The following DRICH1 variants were observed in gnomAD, a reference collection of about 807,000 sequenced individuals.
DRICH1 encodes the protein aspartate-rich protein 1.
In DRICH1, 38 loss-of-function variants were observed where a neutral mutation model predicts 39.5. That is an observed-to-expected ratio of 0.96 (90% CI 0.74 to 1.26). The LOEUF is 1.26. DRICH1 is among the 50% of genes most tolerant of loss of function. The pLI, the probability that DRICH1 is intolerant of heterozygous loss-of-function variation, is 0.00. For synonymous variants in DRICH1, 84 were observed against 99.5 expected (o/e 0.84, Z 0.93); for missense variants, 279 against 270.4 (o/e 1.03, Z -0.22).
intron 5 of DRICH1, 53 bp downstream of exon 5, chr22:23,620,527 TAAGGTTCCTATATA>T: frequency 6.6e-7 from 1 of 1,523,678 alleles, no homozygotes; most frequent in Non-Finnish European, 9.1e-7. Flanking sequence ...GAACCCAGAT[TAAGGTTCCTATATA>T]TTAAAGCCAG....
the DRICH1 span, among the ~76,000 whole-genome samples, chr22:23,600,544 G>A: frequency 6.6e-6 from 1 of 152,188 alleles, no homozygotes; most frequent in African/African-American, 2.4e-5. Context: ...CACAGGGCCT[G>A]GGCACCTCGG....
intron 8 of DRICH1, among the ~76,000 whole-genome samples, chr22:23,616,504 A>G (rs549706037): frequency 1.1e-4 from 16 of 152,206 alleles, no homozygotes; most frequent in South Asian, 4.2e-4. Flanking sequence ...GAAATGCTGT[A>G]TTATTAGACC....
chr22:23,586,958 G>C, the DRICH1 span, among the ~76,000 whole-genome samples: 1 of 152,106 alleles, frequency 6.6e-6, no homozygotes, highest in Admixed American at 6.6e-5. Context: ...CCTTTGAGTA[G>C]GAATTTCACG....
the DRICH1 span, chr22:23,583,448 C>T: frequency 6.6e-6 from 1 of 152,224 alleles, no homozygotes; most frequent in Non-Finnish European, 1.5e-5. Context: ...CACACATCCC[C>T]TTGGCATCTG....
chr22:23,603,071 T>C, the DRICH1 span, among the ~76,000 whole-genome samples: 2 of 149,502 alleles, frequency 1.3e-5, no homozygotes, highest in South Asian at 2.2e-4. Flanking sequence ...AGTGGCACAA[T>C]GTTGGCTCAC....
chr22:23,626,921 G>A (rs1328380513), intron 1 of DRICH1, among the ~76,000 whole-genome samples: 2 of 152,076 alleles, frequency 1.3e-5, no homozygotes, highest in Non-Finnish European at 2.9e-5. Context: ...TGATGTGCAC[G>A]CTTTGAGTTA....
intron 7 of DRICH1, 139 bp from the exon 8 acceptor site, chr22:23,617,013 T>C: frequency 1.0e-6 from 1 of 962,788 alleles, no homozygotes; most frequent in Non-Finnish European, 1.6e-6. Flanking sequence ...CCAAACATTC[T>C]AGCATAGAGG....
chr22:23,614,275 G>T (rs1927220960), intron 8 of DRICH1, 61 bp from the exon 9 acceptor site: 1 of 1,197,812 alleles, frequency 8.3e-7, no homozygotes. Flanking sequence ...GTCACTCGGG[G>T]AGCTTTGCTG....
At chr22:23,598,791 GCTCCATACAGGCGCC>G in the DRICH1 span, among the ~76,000 whole-genome samples, 811 of 151,256 alleles carry the variant, frequency 5.4e-3, no homozygotes, top group African/African-American at 0.019. Context: ...AGAGGGCAGT[GCTCCATACAGGCGCC>G]CTCCATACAA....
rs1927967686 is a variant in DRICH1 at position 23,624,886 on chromosome 22, G to A, written c.295C>T (p.Gln99Ter). The A allele has an allele frequency of 6.2e-7, 1 of 1,613,484 alleles. No homozygotes were observed. Among genetic ancestry groups the A allele is most frequent in the African/African-American group, 1.3e-5 (1 of 74,894 alleles). ...TGAGTTAGTTCAAGGTACGTACCCT[G>A]GACAGGTGATGGTAAAATCTGCAAT... ...DDAKILPSPV[Q>*]GSSEDNLSLV... The change falls in exon 3 of 12, where the codon CAG becomes TAG. Residue 99 changes from glutamine to a stop codon, truncating the protein, a stop_gained. Coordinates refer to ENST00000317749, the MANE Select transcript of DRICH1 (RefSeq NM_016449.4). LOFTEE classifies it high-confidence loss of function.
At chr22:23,601,354 C>T in the DRICH1 span, among the ~76,000 whole-genome samples, 1 of 152,186 alleles carries the variant, frequency 6.6e-6, no homozygotes, top group Non-Finnish European at 1.5e-5. Flanking sequence ...AGGTTACATA[C>T]TTAGACTCCT....
intron 11 of DRICH1, among the ~76,000 whole-genome samples, chr22:23,611,794 G>A (rs1223849588): frequency 6.6e-6 from 1 of 152,166 alleles, no homozygotes; most frequent in Non-Finnish European, 1.5e-5. Flanking sequence ...TCGGCGCAGT[G>A]CATTACTTAC....
chr22:23,629,675 T>C (rs1173966587), intron 1 of DRICH1, among the ~76,000 whole-genome samples: 2 of 152,152 alleles, frequency 1.3e-5, no homozygotes, highest in Non-Finnish European at 2.9e-5. Context: ...GAGGGGGCAG[T>C]GGCTCGATCT....
the DRICH1 span, chr22:23,583,022 G>A: frequency 6.6e-6 from 1 of 152,162 alleles, no homozygotes; most frequent in East Asian, 1.9e-4. Context: ...AATTCCAATG[G>A]CTGCAACCAG....
rs759144377 is a variant in DRICH1, at chr22:23,620,652, A to G, written c.385-37T>C. ...CAAAAGAAGATGCTATGAGGATCAG[A>G]TCAATTCTGCTGCACCCCTTACACA... On this transcript the variant is annotated intron_variant, in intron 4 of 11. Coordinates refer to ENST00000317749, the MANE Select transcript of DRICH1 (RefSeq NM_016449.4). 6 of 1,610,598 alleles carry G rather than the reference A, an allele frequency of 3.7e-6. No individual in the cohort carries two copies. In the Admixed American group the frequency reaches 1.0e-4, roughly 27 times the overall value.
chr22:23,618,996 A>ACT (rs1927547235), intron 6 of DRICH1, among the ~76,000 whole-genome samples: 1 of 151,940 alleles, frequency 6.6e-6, no homozygotes, highest in Non-Finnish European at 1.5e-5. Context: ...ACATGGTAAA[A>ACT]CCACGTCTCT....
the DRICH1 span, among the ~76,000 whole-genome samples, chr22:23,594,331 G>C: frequency 6.6e-6 from 1 of 152,232 alleles, no homozygotes; most frequent in South Asian, 2.1e-4. Context: ...CACTTTGGGA[G>C]ACCAAGGGAG....
intron 10 of DRICH1, 129 bp from the exon 11 acceptor site, chr22:23,613,459 A>C: frequency 1.1e-6 from 1 of 946,286 alleles, no homozygotes; most frequent in South Asian, 1.3e-5. Flanking sequence ...ATGATCCCCT[A>C]ATCTTTCTTC....
chr22:23,582,103 C>G, the DRICH1 span, among the ~76,000 whole-genome samples: 3 of 150,148 alleles, frequency 2.0e-5, no homozygotes, highest in Non-Finnish European at 4.4e-5. Context: ...TCTCAGCCTC[C>G]TGAGTAGCTG....
Sources: allele counts gnomAD v4.1 joint callset (sites outside exome capture counted in the v4.1 genomes callset), GRCh38; gene constraint gnomAD v4.1.1; transcripts MANE v1.5; gene names NCBI Gene and HGNC (gene_info 2026-07-23, HGNC 2026-07-21).